Variants in CAST observed in about 807,000 individuals in gnomAD.
The protein encoded by CAST is MIR583 host.
In CAST, 76 loss-of-function variants were observed where a neutral mutation model predicts 119.6. The observed-to-expected ratio is 0.64, with a 90% CI of 0.53 to 0.77. The LOEUF is 0.77. Ranked by LOEUF, CAST falls within the 30% of genes least tolerant of loss-of-function variation. CAST has a pLI of 0.00. For synonymous variants in CAST, 319 were observed against 331.6 expected, an observed-to-expected ratio of 0.96 and a Z score of 0.41; for missense variants, 953 against 946.5, an observed-to-expected ratio of 1.01 and a Z score of -0.09.
At chr5:96,439,336 A>G in the CAST span, among the ~76,000 whole-genome samples, 758 of 151,926 alleles carry the variant, frequency 5.0e-3, 8 homozygotes, top group African/African-American at 0.018. Context: ...AGCAATCACA[A>G]AAAATTATGA....
chr5:96,740,235 C>T (rs1370407608), intron 12 of CAST, 117 bp downstream of exon 12: 2 of 615,748 alleles, frequency 3.2e-6, no homozygotes, highest in Non-Finnish European at 5.7e-6. Flanking sequence ...GTGAAATTGT[C>T]ATTACTATGA....
the CAST span, chr5:96,215,667 C>T: frequency 6.6e-6 from 1 of 152,194 alleles, no homozygotes; most frequent in Non-Finnish European, 1.5e-5. Context: ...GCCTCAACCA[C>T]TCATGAGTCA....
chr5:96,045,270 T>C, the CAST span, among the ~76,000 whole-genome samples: 1 of 151,906 alleles, frequency 6.6e-6, no homozygotes, highest in South Asian at 2.1e-4. Flanking sequence ...GGAGAATCGC[T>C]TGAACCCAGG....
chr5:96,462,535 A>G, the CAST span, among the ~76,000 whole-genome samples: 139 of 152,268 alleles, frequency 9.1e-4, no homozygotes, highest in African/African-American at 3.2e-3. Flanking sequence ...AATTGACGGC[A>G]TACAGTAAAT....
At chr5:96,589,495 AAC>A (rs1746926734) in intron 1 of CAST, among the ~76,000 whole-genome samples, 1 of 152,182 alleles carries the variant, frequency 6.6e-6, no homozygotes, top group African/African-American at 2.4e-5. Context: ...ACATTATAAT[AAC>A]ACTTTTCACT....
At chr5:96,590,059 T>G (rs568665652) in intron 1 of CAST, among the ~76,000 whole-genome samples, 5 of 152,360 alleles carry the variant, frequency 3.3e-5, no homozygotes, top group African/African-American at 1.2e-4. Flanking sequence ...ATACTGTTTC[T>G]GATGCTCTGC....
intron 1 of CAST, among the ~76,000 whole-genome samples, chr5:96,595,085 TTA>T (rs1747031134): frequency 6.6e-6 from 1 of 152,180 alleles, no homozygotes; most frequent in Non-Finnish European, 1.5e-5. Context: ...GAGATTCACA[TTA>T]TATCTTGGAA....
chr5:96,610,124 A>T (rs1437453581), intron 1 of CAST, among the ~76,000 whole-genome samples: 1 of 152,166 alleles, frequency 6.6e-6, no homozygotes, highest in Admixed American at 6.5e-5. Flanking sequence ...GTCTCACAAG[A>T]TCTGATTGTT....
chr5:95,963,715 T>TTCTC, the CAST span, among the ~76,000 whole-genome samples: 1 of 150,600 alleles, frequency 6.6e-6, no homozygotes, highest in Non-Finnish European at 1.5e-5. Context: ...AACTTTTCTT[T>TTCTC]TCTCTCTCTC....
chr5:96,642,543 CT>C (rs35326344), intron 1 of CAST, among the ~76,000 whole-genome samples: 5,918 of 140,344 alleles, frequency 0.042, 268 homozygotes, highest in East Asian at 0.21. Flanking sequence ...CATATAGTTC[CT>C]TTTTTTTTTT....
At chr5:96,368,362 T>A in the CAST span, among the ~76,000 whole-genome samples, 7 of 151,880 alleles carry the variant, frequency 4.6e-5, no homozygotes, top group African/African-American at 1.7e-4. Context: ...TAGCCGGGCA[T>A]GGTGACACAT....
the CAST span, among the ~76,000 whole-genome samples, chr5:96,422,635 T>A: frequency 4.5e-4 from 69 of 152,294 alleles, no homozygotes; most frequent in South Asian, 2.7e-3. Context: ...TTTCCTTGGC[T>A]CTTTAGCTTG....
At chr5:96,273,646 C>G in the CAST span, among the ~76,000 whole-genome samples, 1,409 of 152,282 alleles carry the variant, frequency 9.3e-3, 27 homozygotes, top group African/African-American at 0.033. Flanking sequence ...GATCCCATGC[C>G]TTTTCAAATT....
chr5:96,718,843 T>C (rs182942383), intron 3 of CAST, among the ~76,000 whole-genome samples: 110 of 151,618 alleles, frequency 7.3e-4, no homozygotes, highest in Non-Finnish European at 1.0e-3. Flanking sequence ...AGTGATGGGG[T>C]GGAGAAGGGA....
At chr5:96,005,763 T>C in the CAST span, among the ~76,000 whole-genome samples, 1 of 152,112 alleles carries the variant, frequency 6.6e-6, no homozygotes, top group Non-Finnish European at 1.5e-5. Flanking sequence ...TTTATATAAA[T>C]TTTATGTAAA....
rs139152014 is a variant in CAST, at chr5:96,631,178, T to C, written c.61-44361T>C. On this transcript the variant is annotated intron_variant, in intron 1 of 11. Transcript: ENST00000505143. ...ACCATCTTAAAGCAAGTTCACTCTGTTGTACAACCATCACCACTATCTAAC... is the reference window on the plus strand; with the variant it reads ...ACCATCTTAAAGCAAGTTCACTCTGCTGTACAACCATCACCACTATCTAAC... 147 of 140,914 alleles carry C rather than the reference T, an allele frequency of 1.0e-3. 16 individuals are homozygous for C. Among genetic ancestry groups the C allele is most frequent in the African/African-American group, 3.5e-3 (140 of 39,940 alleles). The allele number at this position is 140,914 out of a possible 1,614,324, so 8.7% of individuals were successfully genotyped here. A position where few individuals can be genotyped will look rare whatever the true frequency, so the allele number is the denominator to read the frequency against.
At chr5:96,141,224 T>C in the CAST span, among the ~76,000 whole-genome samples, 2 of 152,210 alleles carry the variant, frequency 1.3e-5, no homozygotes, top group Non-Finnish European at 2.9e-5. Context: ...AAATTAAGTA[T>C]ATTGACCTGT....
chr5:96,422,660 G>A, the CAST span, among the ~76,000 whole-genome samples: 1 of 152,048 alleles, frequency 6.6e-6, no homozygotes, highest in African/African-American at 2.4e-5. Flanking sequence ...TATAGCTGGG[G>A]AATGTTTGAT....
chr5:96,334,863 C>G, the CAST span, among the ~76,000 whole-genome samples: 1 of 152,248 alleles, frequency 6.6e-6, no homozygotes, highest in East Asian at 1.9e-4. Context: ...AATGCAATAT[C>G]AAAAATGATA....
Sources: allele counts gnomAD v4.1 joint callset (sites outside exome capture counted in the v4.1 genomes callset), GRCh38; gene constraint gnomAD v4.1.1; transcripts MANE v1.5; gene names NCBI Gene and HGNC (gene_info 2026-07-23, HGNC 2026-07-21).